Variants in EGLN1 observed in about 807,000 individuals in gnomAD.
EGLN1 encodes egl nine homolog 1.
A neutral mutation model predicts 38.3 loss-of-function variants in EGLN1; 17 were observed. The ratio of observed to expected loss-of-function variants is 0.44; its 90% CI spans 0.30 to 0.67. The LOEUF (loss-of-function observed/expected upper bound fraction) is 0.67, where lower values mean the gene tolerates loss of function less well. EGLN1 is among the 30% of genes least tolerant of loss of function. EGLN1 has a pLI of 0.08. For missense variants in EGLN1, 477 were observed against 603.3 expected (o/e 0.79, Z 2.19); for synonymous variants, 283 against 257.5 (o/e 1.10, Z -0.95).
chr1:231,372,424 C>A (rs1393072400), intron 2 of EGLN1, among the ~76,000 whole-genome samples: 1 of 152,106 alleles, frequency 6.6e-6, no homozygotes, highest in Non-Finnish European at 1.5e-5. Flanking sequence ...ACATTAATGA[C>A]CCTGACTAAG....
chr1:231,374,030 C>A lies in EGLN1; in HGVS notation c.961G>T (p.Gly321Ter). Residue 321 changes from glycine to a stop codon, truncating the protein, a stop_gained, in exon 2 of 5, where the codon GGA becomes TGA. Transcript: ENST00000366641. LOFTEE classifies it high-confidence loss of function. Reference protein sequence around the residue: ...VRHVDNPNGDGRCVTCIYYLN... With the variant: ...VRHVDNPNGD The stretch of plus-strand genomic sequence containing the variant: ...TAATATATACATGTCACACATCTTC[C>A]ATCTCCATTTGGATTATCAACATGA... 1 of 1,613,670 alleles carries A rather than the reference C, an allele frequency of 6.2e-7. No homozygotes were observed. The highest frequency in any genetic ancestry group is 8.5e-7 in the Non-Finnish European group (1 of 1,179,618).
At chr1:231,377,006 A>G (rs1436140059) in intron 1 of EGLN1, among the ~76,000 whole-genome samples, 4 of 152,176 alleles carry the variant, frequency 2.6e-5, no homozygotes, top group African/African-American at 9.7e-5. Flanking sequence ...GCCTTTGGAT[A>G]TTGTGCTAAG....
In EGLN1 at chr1:231,421,538, CG is replaced by C; in HGVS notation, c.350del (p.Pro117ArgfsTer57). 7.7e-7 allele frequency: 1 copy of C among 1,297,718 alleles called. No individual in the cohort carries two copies. Among genetic ancestry groups the C allele is most frequent in the Non-Finnish European group, 9.8e-7 (1 of 1,024,644 alleles). 80.4% of individuals were successfully genotyped at this position (1,297,718 alleles called of 1,614,324 possible). On this transcript the variant is annotated frameshift_variant, in exon 1 of 5. Transcript: ENST00000366641. LOFTEE classifies it high-confidence loss of function. This position sits in a 1 kb window ranked among gnomAD's most constrained non-coding sequence, Gnocchi z 5.5. ...AAKGKVKAKP[P>X]ADPAAAASPC... Reference sequence around the variant, plus strand: ...GCGACGCGGCCGCCGCTGGGTCGGCCGGGGGCTTGGCCTTTACTTTTCCCTT... The same window carrying C: ...GCGACGCGGCCGCCGCTGGGTCGGCCGGGGCTTGGCCTTTACTTTTCCCTT...
intron 1 of EGLN1, among the ~76,000 whole-genome samples, chr1:231,415,270 TAAAAAAA>T (rs71777021): frequency 1.5e-5 from 2 of 135,088 alleles, no homozygotes; most frequent in African/African-American, 5.4e-5. Flanking sequence ...CCCTGTCCTT[TAAAAAAA>T]AAAAAAAAAA....
chr1:231,379,520 T>C (rs1391358070), intron 1 of EGLN1, among the ~76,000 whole-genome samples: 2 of 152,242 alleles, frequency 1.3e-5, no homozygotes, highest in Non-Finnish European at 2.9e-5. Flanking sequence ...TAATTATTTA[T>C]GCCATTAGTC....
rs146367075 is a variant in EGLN1, at chr1:231,370,634, T to C, written c.1076A>G (p.Lys359Arg). Residue 359 changes from lysine to arginine, a missense_variant, in exon 3 of 5, where the codon AAA becomes AGA. Transcript: ENST00000366641. The stretch of plus-strand genomic sequence containing the variant: ...CCAGAAAAACAGCAGTCTATCAAAT[T>C]TGGGTTCAATGTCAGCAAACTGGGC... The part of the protein sequence containing the change: ...GKAQFADIEP[K>R]FDRLLFFWSD... 3.1e-6 allele frequency: 5 copies of C among 1,613,960 alleles called. No individual in the cohort carries two copies. Among genetic ancestry groups the C allele is most frequent in the Non-Finnish European group, 4.2e-6 (5 of 1,180,010 alleles).
rs370227263 is a variant in EGLN1 at position 231,365,814 on chromosome 1, C to A, written c.*597G>T. 1 of 153,762 alleles carries A rather than the reference C, an allele frequency of 6.5e-6. No homozygotes were observed. Among genetic ancestry groups the A allele is most frequent in the South Asian group, 2.0e-4 (1 of 4,926 alleles). 9.5% of individuals were successfully genotyped at this position (153,762 alleles called of 1,614,324 possible). On this transcript the variant is annotated 3_prime_UTR_variant, in exon 5 of 5. Transcript: ENST00000366641. The stretch of plus-strand genomic sequence containing the variant: ...TTCAAATTAGTGTAAGGAAGGACTA[C>A]AAAACAATCTGATTTTTCAGTTGTA...
At chr1:231,416,193 T>C (rs1689076029) in intron 1 of EGLN1, among the ~76,000 whole-genome samples, 1 of 151,674 alleles carries the variant, frequency 6.6e-6, no homozygotes, top group South Asian at 2.1e-4. Context: ...AGATGAGGTA[T>C]TGCCATGTTG....
chr1:231,385,566 A>C (rs186567067), intron 1 of EGLN1, among the ~76,000 whole-genome samples: 1 of 152,358 alleles, frequency 6.6e-6, no homozygotes, highest in Admixed American at 6.5e-5. Context: ...GTGTGAGTCA[A>C]GGAATGTGAC....
At chr1:231,415,819 G>C (rs1267801709) in intron 1 of EGLN1, among the ~76,000 whole-genome samples, 1 of 151,638 alleles carries the variant, frequency 6.6e-6, no homozygotes. Flanking sequence ...ATCCAACCCA[G>C]ATCTAATGGC....
intron 1 of EGLN1, among the ~76,000 whole-genome samples, chr1:231,399,519 T>C (rs1688612037): frequency 6.6e-6 from 1 of 152,066 alleles, no homozygotes; most frequent in African/African-American, 2.4e-5. Context: ...GTTCAAGAGA[T>C]CACAGAAAGC....
intron 1 of EGLN1, among the ~76,000 whole-genome samples, chr1:231,392,824 C>T (rs1431499895): frequency 6.6e-6 from 1 of 152,210 alleles, no homozygotes; most frequent in African/African-American, 2.4e-5. Context: ...CACGTGTGGA[C>T]AAGCAGCTTT....
intron 1 of EGLN1, among the ~76,000 whole-genome samples, chr1:231,382,770 T>C (rs986889873): frequency 2.6e-5 from 4 of 152,170 alleles, no homozygotes; most frequent in African/African-American, 9.7e-5. Context: ...TAAAAGGTGC[T>C]TGGCAGGCCG....
intron 1 of EGLN1, among the ~76,000 whole-genome samples, chr1:231,411,715 T>C (rs534915089): frequency 2.0e-5 from 3 of 152,134 alleles, no homozygotes; most frequent in East Asian, 3.9e-4. Flanking sequence ...TCCTGGATAG[T>C]AGGCCGGGCA....
chr1:231,415,938 G>T (rs993552412), intron 1 of EGLN1, among the ~76,000 whole-genome samples: 94 of 151,404 alleles, frequency 6.2e-4, no homozygotes, highest in African/African-American at 2.2e-3. Context: ...ATCTCTGCCT[G>T]CCGGGTTCAA....
intron 1 of EGLN1, 86 bp from the exon 2 acceptor site, chr1:231,374,185 C>A: frequency 7.9e-7 from 1 of 1,266,038 alleles, no homozygotes; most frequent in Non-Finnish European, 1.1e-6. Flanking sequence ...TGATTTTTGG[C>A]TACTGATTTA....
chr1:231,415,922 A>G (rs145710444), intron 1 of EGLN1, among the ~76,000 whole-genome samples: 1 of 151,036 alleles, frequency 6.6e-6, no homozygotes, highest in East Asian at 2.0e-4. Flanking sequence ...ATCCCGGCTC[A>G]CTGCAATCTC....
chr1:231,412,198 T>C (rs1318456896), intron 1 of EGLN1, among the ~76,000 whole-genome samples: 1 of 152,128 alleles, frequency 6.6e-6, no homozygotes, highest in African/African-American at 2.4e-5. Context: ...ATACAGTCCC[T>C]AAGCTATCAG....
chr1:231,410,762 A>G (rs183243284), intron 1 of EGLN1, among the ~76,000 whole-genome samples: 1 of 150,674 alleles, frequency 6.6e-6, no homozygotes, highest in Non-Finnish European at 1.5e-5. Flanking sequence ...AACTGAAAGG[A>G]TAAGACCCAG....
Sources: allele counts gnomAD v4.1 joint callset (sites outside exome capture counted in the v4.1 genomes callset), GRCh38; gene constraint gnomAD v4.1.1; non-coding constraint Gnocchi (gnomAD v3.1); transcripts MANE v1.5; gene names NCBI Gene and HGNC (gene_info 2026-07-23, HGNC 2026-07-21).